Variants in RAPH1 observed in about 807,000 individuals in gnomAD.
The protein encoded by RAPH1 is ras-associated and pleckstrin homology domains-containing protein 1.
RAPH1 carries 18 observed loss-of-function variants against 88.1 expected under a neutral mutation model. That is an observed-to-expected ratio of 0.20 (90% CI 0.14 to 0.30). RAPH1 has a LOEUF of 0.30. Among genes scored for constraint, RAPH1 ranks in the 10% least tolerant of loss-of-function variants. The probability of loss-of-function intolerance (pLI) is 1.00; values close to 1 mark genes in which losing one functional copy is unlikely to be tolerated. For synonymous variants in RAPH1, 587 were observed against 559.0 expected (o/e 1.05, Z -0.71); for missense variants, 1,448 against 1,543.2 (o/e 0.94, Z 1.03).
At position 203,439,853 on chromosome 2, in the gene RAPH1, T is replaced by C. The variant is rs1443219225; in HGVS notation, c.3337A>G (p.Lys1113Glu). 1 of 1,613,972 alleles carries C rather than the reference T, an allele frequency of 6.2e-7. No homozygotes were observed. The highest frequency in any genetic ancestry group is 8.5e-7 in the Non-Finnish European group (1 of 1,179,990). Residue 1113 changes from lysine (K) to glutamate (E), a missense_variant, in exon 14 of 14, where the codon AAA (lysine) becomes GAA (glutamate). This residue lies in a region of RAPH1 where 935 missense variants were observed against 890.1 expected (regional missense o/e 1.05). Transcript: ENST00000319170. The part of the protein sequence containing the change: ...VVNPQPQQWS[K>E]MSVKKAPPPT... ...GGAGGGGCCTTCTTCACTGACATTT[T>C]AGACCATTGTTGTGGTTGAGGATTA... is the stretch of plus-strand genomic sequence containing the variant.
chr2:203,452,841 G>A (rs527969344), intron 10 of RAPH1, among the ~76,000 whole-genome samples: 1 of 152,122 alleles, frequency 6.6e-6, no homozygotes, highest in Non-Finnish European at 1.5e-5. Context: ...CCAGCTACTC[G>A]GGAAGCTAAG....
intron 5 of RAPH1, among the ~76,000 whole-genome samples, 152 bp downstream of exon 5, chr2:203,461,695 CA>C (rs1207419079): frequency 1.3e-5 from 2 of 152,076 alleles, no homozygotes; most frequent in Admixed American, 1.3e-4. Context: ...ATTTTACCCA[CA>C]AAAAATACTA....
intron 1 of RAPH1, among the ~76,000 whole-genome samples, chr2:203,529,120 C>T (rs1690271883): frequency 1.4e-5 from 2 of 146,404 alleles, no homozygotes; most frequent in Admixed American, 7.0e-5. Flanking sequence ...ACTGCAACTA[C>T]AGGCACACAT....
At chr2:203,454,148 G>A (rs2153638734) in intron 10 of RAPH1, among the ~76,000 whole-genome samples, 2 of 152,230 alleles carry the variant, frequency 1.3e-5, no homozygotes, top group Middle Eastern at 3.4e-3. Flanking sequence ...AATAAGCCTG[G>A]TGTTAAATGA....
rs1418753545 is a variant in RAPH1 at position 203,438,908 on chromosome 2, CTG to C, written c.*527_*528del. 1 of 154,510 alleles carries C rather than the reference CTG, an allele frequency of 6.5e-6. No individual in the cohort carries two copies. The highest frequency in any genetic ancestry group is 1.4e-5 in the Non-Finnish European group (1 of 69,354). The allele number at this position is 154,510 out of a possible 1,614,324, so 9.6% of individuals were successfully genotyped here. A position where few individuals can be genotyped will look rare whatever the true frequency, so the allele number is the denominator to read the frequency against. Reference sequence around the variant, plus strand: ...GTCAAGCAATTCTAACTTCAGCCAACTGGGGAAAAACAAACACAAAAGCCTTA... The same window carrying C: ...GTCAAGCAATTCTAACTTCAGCCAACGGGAAAAACAAACACAAAAGCCTTA... On this transcript the variant is annotated 3_prime_UTR_variant, in exon 14 of 14. Transcript: ENST00000319170.
intron 1 of RAPH1, among the ~76,000 whole-genome samples, chr2:203,501,274 A>T (rs1275973527): frequency 6.6e-6 from 1 of 152,208 alleles, no homozygotes; most frequent in Non-Finnish European, 1.5e-5. Context: ...TCATAATGTA[A>T]AATGGAAAGA....
chr2:203,475,987 A>G (rs1687420903), intron 4 of RAPH1, among the ~76,000 whole-genome samples: 1 of 152,202 alleles, frequency 6.6e-6, no homozygotes, highest in South Asian at 2.1e-4. Flanking sequence ...TATATTATTT[A>G]CAAATTTCAC....
At chr2:203,482,623 C>A (rs1307388714) in intron 4 of RAPH1, among the ~76,000 whole-genome samples, 4 of 151,994 alleles carry the variant, frequency 2.6e-5, no homozygotes, top group African/African-American at 9.7e-5. Flanking sequence ...TTTAAAAATA[C>A]ACTGTCATGT....
chr2:203,473,149 T>C (rs1268149670), intron 4 of RAPH1, among the ~76,000 whole-genome samples: 2 of 152,152 alleles, frequency 1.3e-5, no homozygotes, highest in Admixed American at 1.3e-4. Context: ...CCACTGGGCA[T>C]GGTGGCTTGA....
intron 4 of RAPH1, among the ~76,000 whole-genome samples, chr2:203,469,491 A>G (rs1311525088): frequency 6.6e-6 from 1 of 152,234 alleles, no homozygotes; most frequent in Non-Finnish European, 1.5e-5. Context: ...CTCAGATACA[A>G]TAACAACAAC....
In RAPH1 at chr2:203,440,758, G is replaced by T. The variant is rs1559440798; in HGVS notation, c.2432C>A (p.Pro811His). 6.2e-7 allele frequency: 1 copy of T among 1,611,688 alleles called. No homozygotes were observed. Reference protein sequence around the residue: ...AAPPTPTPPVPPAKKQPAFPA... With the variant: ...AAPPTPTPPVHPAKKQPAFPA... ...GAAAGCTGGCTGCTTTTTTGCTGGG[G>T]GCACTGGAGGAGTAGGTGTGGGTGG... The change falls in exon 14 of 14, where the codon CCC becomes CAC. Residue 811 changes from proline to histidine, a missense_variant. This residue lies in a region of RAPH1 where 935 missense variants were observed against 890.1 expected (regional missense o/e 1.05). Coordinates refer to ENST00000319170, the MANE Select transcript of RAPH1 (RefSeq NM_213589.3).
Position 203,440,277 on chromosome 2 carries a change from T to A in RAPH1, c.2913A>T (p.Pro971=), listed in dbSNP as rs1262415747. 6.2e-7 allele frequency: 1 copy of A among 1,612,644 alleles called. No individual in the cohort carries two copies. The highest frequency in any genetic ancestry group is 2.2e-5 in the East Asian group (1 of 44,814). ...SKTSSPGGKK[P]PPTPQRNSSI... Reference sequence around the variant, plus strand: ...TGGAGTTGCGCTGTGGGGTTGGGGGTGGTTTCTTTCCCCCAGGGCTGGACG... The same window carrying A: ...TGGAGTTGCGCTGTGGGGTTGGGGGAGGTTTCTTTCCCCCAGGGCTGGACG... Residue 971 remains proline, a synonymous_variant, in exon 14 of 14, where the codon CCA becomes CCT. Transcript: ENST00000319170.
At chr2:203,514,845 C>T (rs1310757589) in intron 1 of RAPH1, among the ~76,000 whole-genome samples, 1 of 152,158 alleles carries the variant, frequency 6.6e-6, no homozygotes, top group African/African-American at 2.4e-5. Context: ...TGAGCCACCG[C>T]ACCTGGCCAA....
At chr2:203,474,969 G>A (rs1021688845) in intron 4 of RAPH1, among the ~76,000 whole-genome samples, 3 of 152,164 alleles carry the variant, frequency 2.0e-5, no homozygotes, top group African/African-American at 7.2e-5. Context: ...AAATTAGCCA[G>A]GTGTGGTGAA....
At position 203,434,818 on chromosome 2, in the gene RAPH1, T is replaced by C. The variant is rs1425698279; in HGVS notation, c.*4619A>G. ...TCTATAAAATATGTAGTGTTCACCA[T>C]CACCCTGACTCAATTCACTTCTCTA... On this transcript the variant is annotated 3_prime_UTR_variant, in exon 14 of 14. Transcript: ENST00000319170. 1.3e-5 allele frequency: 2 copies of C among 152,556 alleles called. No individual in the cohort carries two copies. The highest frequency in any genetic ancestry group is 2.9e-5 in the Non-Finnish European group (2 of 68,030). The allele number at this position is 152,556 out of a possible 1,614,324, so 9.5% of individuals were successfully genotyped here. A position where few individuals can be genotyped will look rare whatever the true frequency, so the allele number is the denominator to read the frequency against.
intron 5 of RAPH1, 76 bp from the exon 6 acceptor site, chr2:203,461,484 TAA>T: frequency 9.0e-7 from 1 of 1,110,546 alleles, no homozygotes; most frequent in Non-Finnish European, 1.2e-6. Context: ...CAATATCAAA[TAA>T]AATTTGGATT....
intron 8 of RAPH1, 99 bp downstream of exon 8, chr2:203,457,431 A>T: frequency 1.1e-6 from 1 of 905,550 alleles, no homozygotes; most frequent in Non-Finnish European, 1.8e-6. Context: ...TGATTCACTC[A>T]CCTCAGCCTC....
intron 1 of RAPH1, among the ~76,000 whole-genome samples, chr2:203,525,143 C>T (rs981050155): frequency 6.6e-6 from 1 of 152,208 alleles, no homozygotes; most frequent in Non-Finnish European, 1.5e-5. Context: ...AGCCCAGTTG[C>T]CCACCAACAG....
rs140045631 is a variant in RAPH1 at position 203,441,144 on chromosome 2, G to A, written c.2046C>T (p.Ala682=). The A allele has an allele frequency of 1.1e-3, 1,721 of 1,612,714 alleles. 2 individuals carry two copies. The highest frequency in any genetic ancestry group is 1.4e-3 in the South Asian group (129 of 91,024). ...RLQNASQHSG[A]LFKPPTPPVM... ...CTGGGGGTGTTGGCGGCTTAAACAG[G>A]GCCCCTGAATGCTGAGACGCATTCT... Residue 682 remains alanine, a synonymous_variant, in exon 14 of 14, where the codon GCC becomes GCT. Coordinates refer to ENST00000319170, the MANE Select transcript of RAPH1 (RefSeq NM_213589.3).
Sources: gnomAD v4.1 joint callset for allele counts (sites outside exome capture counted in the v4.1 genomes callset) on GRCh38, gnomAD v4.1.1 for gene constraint, gnomAD v4.1.1 regional missense constraint, MANE v1.5 for transcripts, NCBI Gene and HGNC (gene_info 2026-07-23, HGNC 2026-07-21) for gene names.